The following CDK17 variants were observed in gnomAD, a reference collection of about 807,000 sequenced individuals.
CDK17 encodes cyclin-dependent kinase 17.
In CDK17, 24 loss-of-function variants were observed where a neutral mutation model predicts 77.6. The observed-to-expected ratio is 0.31, with a 90% confidence interval of 0.22 to 0.44. CDK17 has a LOEUF of 0.44. Among genes scored for constraint, CDK17 ranks in the 20% least tolerant of loss-of-function variants. The pLI is 1.00. For missense variants in CDK17, 429 were observed against 622.5 expected (o/e 0.69, Z 3.31); for synonymous variants, 203 against 210.4 (o/e 0.96, Z 0.30).
In CDK17 at chr12:96,291,440, C is replaced by T. The variant is rs1017637387; in HGVS notation, c.998-2153G>A. ...CCAACTGGCTGGGACTAGAGGTGCACACCGCCACACCTGGCTAATTTTGAA... is the reference window on the plus strand; with the variant it reads ...CCAACTGGCTGGGACTAGAGGTGCATACCGCCACACCTGGCTAATTTTGAA... On this transcript the variant is annotated intron_variant, in intron 10 of 16. Coordinates refer to ENST00000261211, the MANE Select transcript of CDK17 (RefSeq NM_002595.5). 2.0e-5 allele frequency among the ~76,000 whole-genome samples: 3 copies of T among 151,914 alleles called. No individual in the cohort carries two copies. In the East Asian group the frequency reaches 5.8e-4, roughly 29 times the overall value.
intron 15 of CDK17, chr12:96,282,159 G>A (rs1170755966): frequency 5.6e-6 from 1 of 179,308 alleles, no homozygotes; most frequent in Non-Finnish European, 1.2e-5. Context: ...TGCTTCATTA[G>A]TTTTTGTTTG....
intron 1 of CDK17, among the ~76,000 whole-genome samples, chr12:96,377,763 G>A (rs900401692): frequency 1.4e-5 from 2 of 145,382 alleles, no homozygotes; most frequent in Non-Finnish European, 3.0e-5. Context: ...GTGCGATCTC[G>A]GCTCACTGCA....
intron 3 of CDK17, among the ~76,000 whole-genome samples, chr12:96,322,638 G>A (rs1184204383): frequency 6.6e-6 from 1 of 152,130 alleles, no homozygotes; most frequent in Admixed American, 6.6e-5. Context: ...GGGAAGAAAT[G>A]TGCAGTAGCA....
intron 5 of CDK17, among the ~76,000 whole-genome samples, chr12:96,310,499 T>C (rs1367498557): frequency 6.6e-6 from 1 of 151,932 alleles, no homozygotes; most frequent in Non-Finnish European, 1.5e-5. Context: ...ATCAGAACAA[T>C]GTCACACATA....
chr12:96,305,139 T>C (rs1045734998), intron 5 of CDK17, among the ~76,000 whole-genome samples: 1 of 152,214 alleles, frequency 6.6e-6, no homozygotes, highest in Non-Finnish European at 1.5e-5. Flanking sequence ...TTTGCCACTA[T>C]TCTAATATTT....
intron 1 of CDK17, among the ~76,000 whole-genome samples, chr12:96,363,209 G>A (rs1007123768): frequency 2.0e-5 from 3 of 152,090 alleles, no homozygotes; most frequent in Non-Finnish European, 4.4e-5. Flanking sequence ...CCAGCACTTT[G>A]GGAGGCCGAG....
At chr12:96,300,170 T>C (rs1430298396) in intron 6 of CDK17, 134 bp downstream of exon 6, 12 of 649,662 alleles carry the variant, frequency 1.8e-5, no homozygotes, top group Non-Finnish European at 3.3e-5. Flanking sequence ...TCTGTTACCT[T>C]TCCAGAACAA....
At chr12:96,301,709 T>G (rs1330652907) in intron 5 of CDK17, among the ~76,000 whole-genome samples, 1 of 152,150 alleles carries the variant, frequency 6.6e-6, no homozygotes, top group African/African-American at 2.4e-5. Context: ...TTATGCCAGA[T>G]GATTAAACGT....
At chr12:96,345,812 A>T (rs986827424) in intron 1 of CDK17, among the ~76,000 whole-genome samples, 4 of 152,214 alleles carry the variant, frequency 2.6e-5, no homozygotes, top group Non-Finnish European at 5.9e-5. Context: ...CAAAGGAATT[A>T]GAATGGTATG....
intron 9 of CDK17, among the ~76,000 whole-genome samples, chr12:96,295,973 A>C (rs1308667379): frequency 2.0e-5 from 3 of 152,196 alleles, no homozygotes; most frequent in Non-Finnish European, 4.4e-5. Context: ...AGGGCATCCG[A>C]ACACTGAGGC....
intron 1 of CDK17, among the ~76,000 whole-genome samples, chr12:96,395,911 C>T (rs989360366): frequency 1.9e-4 from 29 of 152,166 alleles, no homozygotes; most frequent in Non-Finnish European, 3.8e-4. Flanking sequence ...GACTTCCAGC[C>T]CCGGACCTGT....
At chr12:96,365,476 C>T (rs1953570071) in intron 1 of CDK17, among the ~76,000 whole-genome samples, 1 of 152,012 alleles carries the variant, frequency 6.6e-6, no homozygotes, top group South Asian at 2.1e-4. Flanking sequence ...CTTCACTAAC[C>T]TCACACAAAT....
chr12:96,341,461 G>A (rs955956701), intron 1 of CDK17, among the ~76,000 whole-genome samples: 3 of 152,120 alleles, frequency 2.0e-5, no homozygotes, highest in Admixed American at 6.6e-5. Flanking sequence ...GCAGTAAAGG[G>A]TTACAGAATG....
chr12:96,387,419 GAGTTTGAGATTACAC>G (rs1339967851), intron 1 of CDK17, among the ~76,000 whole-genome samples: 3 of 152,154 alleles, frequency 2.0e-5, no homozygotes, highest in Non-Finnish European at 4.4e-5. Context: ...TTCAGAAACA[GAGTTTGAGATTACAC>G]AGTTACAAGC....
intron 2 of CDK17, among the ~76,000 whole-genome samples, chr12:96,333,231 GGCAAGAGGAACAACAGTAAAAT>G (rs1952996287): frequency 1.3e-5 from 2 of 152,072 alleles, no homozygotes; most frequent in South Asian, 4.2e-4. Context: ...TAGGTCCTCT[GGCAAGAGGAACAACAGTAAAAT>G]CATGATGTTT....
intron 5 of CDK17, among the ~76,000 whole-genome samples, chr12:96,308,521 G>C (rs1424252382): frequency 6.6e-6 from 1 of 151,650 alleles, no homozygotes; most frequent in Non-Finnish European, 1.5e-5. Context: ...CTGAGGTCAG[G>C]CATTCAAGAC....
chr12:96,348,550 G>GAAAAAA (rs1279476281), intron 1 of CDK17, among the ~76,000 whole-genome samples: 1 of 121,084 alleles, frequency 8.3e-6, no homozygotes, highest in African/African-American at 3.0e-5. Context: ...AAACAAAAAA[G>GAAAAAA]AAAAAAAAAA....
chr12:96,347,543 G>GT (rs1953234580), intron 1 of CDK17, among the ~76,000 whole-genome samples: 1 of 140,972 alleles, frequency 7.1e-6, no homozygotes, highest in South Asian at 2.5e-4. Flanking sequence ...GGACGACAGA[G>GT]TGAGACTCTG....
intron 1 of CDK17, among the ~76,000 whole-genome samples, chr12:96,388,774 T>C (rs1295573101): frequency 1.3e-5 from 2 of 152,166 alleles, no homozygotes; most frequent in African/African-American, 4.8e-5. Flanking sequence ...TTCTGCAAGC[T>C]GTACAAGCAT....
Sources: gnomAD v4.1 joint callset for allele counts (sites outside exome capture counted in the v4.1 genomes callset) on GRCh38, gnomAD v4.1.1 for gene constraint, MANE v1.5 for transcripts, NCBI Gene and HGNC (gene_info 2026-07-23, HGNC 2026-07-21) for gene names.